The following PDSS2 variants were observed in gnomAD, a reference collection of about 807,000 sequenced individuals.
PDSS2 encodes the protein decaprenyl diphosphate synthase subunit 2, also known as all trans-polyprenyl-diphosphate synthase PDSS2.
PDSS2 carries 31 observed loss-of-function variants against 44.5 expected under a neutral mutation model. The observed-to-expected ratio is 0.70, with a 90% CI of 0.52 to 0.94. PDSS2 has a LOEUF of 0.94. Among genes scored for constraint, PDSS2 ranks in the 40% least tolerant of loss-of-function variants. The pLI, the probability that PDSS2 is intolerant of heterozygous loss-of-function variation, is 0.00. For missense variants in PDSS2, 452 were observed against 482.2 expected (o/e 0.94, Z 0.59); for synonymous variants, 157 against 180.3 (o/e 0.87, Z 1.03).
rs895354182 is a variant in PDSS2, at chr6:107,273,226, C to T, written c.630+803G>A. 2.0e-5 allele frequency among the ~76,000 whole-genome samples: 3 copies of T among 152,126 alleles called. No homozygotes were observed. In the East Asian group the frequency reaches 5.8e-4, roughly 29 times the overall value. On this transcript the variant is annotated intron_variant, in intron 3 of 7. Coordinates refer to ENST00000369037, the MANE Select transcript of PDSS2 (RefSeq NM_020381.4). ...CTCGAACTCCTGACCTCAGGTGATC[C>T]ACCTGCCTCGGCCTCCCAAAGTGCT...
intron 1 of PDSS2, among the ~76,000 whole-genome samples, chr6:107,351,337 A>G (rs928011727): frequency 2.0e-5 from 3 of 152,208 alleles, no homozygotes; most frequent in African/African-American, 7.2e-5. Flanking sequence ...CTTGATATCA[A>G]AAGTTCTGCT....
chr6:107,417,628 C>T (rs11153063), intron 1 of PDSS2, among the ~76,000 whole-genome samples: 6,009 of 152,094 alleles, frequency 0.04, 171 homozygotes, highest in Admixed American at 0.08. Context: ...GGCACGGTGG[C>T]GCAGCCTGTA....
chr6:107,263,589 T>G (rs1293223843), intron 3 of PDSS2, among the ~76,000 whole-genome samples: 1 of 152,244 alleles, frequency 6.6e-6, no homozygotes, highest in African/African-American at 2.4e-5. Flanking sequence ...AACCTTCCTG[T>G]GCCAAAAAGC....
chr6:107,434,294 A>G (rs142249659), intron 1 of PDSS2, among the ~76,000 whole-genome samples: 158 of 152,364 alleles, frequency 1.0e-3, no homozygotes, highest in African/African-American at 3.6e-3. Flanking sequence ...CTGAAGAGAT[A>G]GCTATACTCC....
intron 1 of PDSS2, among the ~76,000 whole-genome samples, chr6:107,381,149 C>T (rs564116281): frequency 4.6e-4 from 70 of 152,208 alleles, no homozygotes; most frequent in African/African-American, 1.5e-3. Flanking sequence ...AAACACCATA[C>T]GGCACATAGC....
At chr6:107,169,417 G>A (rs957624468) in intron 7 of PDSS2, among the ~76,000 whole-genome samples, 2 of 152,076 alleles carry the variant, frequency 1.3e-5, no homozygotes, top group African/African-American at 2.4e-5. Context: ...TTTGTGATGC[G>A]TTCAAGCTTC....
chr6:107,282,147 C>T (rs374383724), intron 2 of PDSS2, among the ~76,000 whole-genome samples: 2 of 152,144 alleles, frequency 1.3e-5, no homozygotes, highest in African/African-American at 2.4e-5. Context: ...CTCAGGTGAT[C>T]CACCCGCCTT....
intron 1 of PDSS2, among the ~76,000 whole-genome samples, chr6:107,446,008 T>G (rs1202705073): frequency 6.6e-6 from 1 of 152,138 alleles, no homozygotes; most frequent in Non-Finnish European, 1.5e-5. Flanking sequence ...AGTGCTTTTT[T>G]TAAGGCTTTT....
chr6:107,376,106 G>C (rs1227843329), intron 1 of PDSS2, among the ~76,000 whole-genome samples: 1 of 152,120 alleles, frequency 6.6e-6, no homozygotes, highest in African/African-American at 2.4e-5. Context: ...GCTCTGTTCT[G>C]TTCCATTGAT....
At chr6:107,384,714 G>A (rs986434562) in intron 1 of PDSS2, among the ~76,000 whole-genome samples, 1 of 151,456 alleles carries the variant, frequency 6.6e-6, no homozygotes. Flanking sequence ...GAATTTTATG[G>A]TATGTAAATT....
intron 4 of PDSS2, among the ~76,000 whole-genome samples, chr6:107,240,070 T>G (rs1237943131): frequency 1.3e-5 from 2 of 152,136 alleles, no homozygotes; most frequent in Non-Finnish European, 2.9e-5. Flanking sequence ...AACATGAGCG[T>G]AATATATAAA....
At chr6:107,414,948 G>C (rs952555703) in intron 1 of PDSS2, among the ~76,000 whole-genome samples, 1 of 152,132 alleles carries the variant, frequency 6.6e-6, no homozygotes, top group Admixed American at 6.6e-5. Context: ...GAATCACAGG[G>C]AATTGGGGCA....
chr6:107,311,966 A>T (rs1777059363), intron 2 of PDSS2, among the ~76,000 whole-genome samples: 1 of 152,180 alleles, frequency 6.6e-6, no homozygotes, highest in Non-Finnish European at 1.5e-5. Context: ...GTGCTAAGGG[A>T]GCCCAGAAAA....
intron 6 of PDSS2, among the ~76,000 whole-genome samples, chr6:107,195,716 C>G (rs1036542308): frequency 7.3e-6 from 1 of 137,296 alleles, no homozygotes; most frequent in Admixed American, 7.6e-5. Flanking sequence ...CCCACCACCA[C>G]GCCCGGCTAA....
intron 4 of PDSS2, among the ~76,000 whole-genome samples, chr6:107,219,913 A>G (rs967355630): frequency 2.6e-5 from 4 of 152,246 alleles, no homozygotes; most frequent in Admixed American, 1.3e-4. Context: ...ATATGGACAT[A>G]TAATGACATG....
chr6:107,385,603 C>G (rs906941282), intron 1 of PDSS2, among the ~76,000 whole-genome samples: 1 of 152,188 alleles, frequency 6.6e-6, no homozygotes, highest in African/African-American at 2.4e-5. Flanking sequence ...CTATGTTGGA[C>G]TGCTTTTGCC....
intron 1 of PDSS2, among the ~76,000 whole-genome samples, chr6:107,356,302 T>A (rs1434343436): frequency 1.3e-5 from 2 of 152,220 alleles, no homozygotes; most frequent in Non-Finnish European, 2.9e-5. Context: ...GTTTCCAGTG[T>A]ACTTAGACAT....
chr6:107,393,172 C>A (rs138379851), intron 1 of PDSS2, among the ~76,000 whole-genome samples: 18 of 152,144 alleles, frequency 1.2e-4, no homozygotes, highest in African/African-American at 4.1e-4. Flanking sequence ...TCTAGTATTG[C>A]TTTACCTGCA....
chr6:107,448,335 G>T (rs558013182), intron 1 of PDSS2, among the ~76,000 whole-genome samples: 14 of 152,088 alleles, frequency 9.2e-5, no homozygotes, highest in African/African-American at 3.1e-4. Flanking sequence ...TTTATGTTCT[G>T]TCACCTCTTG....
Sources: gnomAD v4.1 joint callset for allele counts (sites outside exome capture counted in the v4.1 genomes callset) on GRCh38, gnomAD v4.1.1 for gene constraint, MANE v1.5 for transcripts, NCBI Gene and HGNC (gene_info 2026-07-23, HGNC 2026-07-21) for gene names.